SLC25A26: variants seen among roughly 807,000 people sequenced by gnomAD.
SLC25A26 encodes the protein mitochondrial S-adenosylmethionine carrier protein.
SLC25A26 carries 36 observed loss-of-function variants against 37.8 expected under a neutral mutation model. The ratio of observed to expected loss-of-function variants is 0.95; its 90% CI spans 0.73 to 1.26. SLC25A26 has a LOEUF of 1.26. Ranked by LOEUF, SLC25A26 falls within the 50% of genes most tolerant of loss-of-function variation. The pLI is 0.00. For missense variants in SLC25A26, 390 were observed against 331.1 expected, an observed-to-expected ratio of 1.18 and a Z score of -1.38; for synonymous variants, 129 against 122.5, an observed-to-expected ratio of 1.05 and a Z score of -0.35.
rs2071468534 is a variant in SLC25A26, at chr3:66,221,113, G to C, written c.19G>C (p.Val7Leu). 2 of 1,531,096 alleles carry C rather than the reference G, an allele frequency of 1.3e-6. No individual in the cohort carries two copies. Among genetic ancestry groups the C allele is most frequent in the Non-Finnish European group, 1.7e-6 (2 of 1,144,182 alleles). The allele number at this position is 1,531,096 out of a possible 1,614,324, so 94.8% of individuals were successfully genotyped here. The change falls in exon 1 of 10, where the codon GTG (valine) becomes CTG (leucine). Residue 7 changes from valine to leucine, a missense_variant. Transcript: ENST00000354883. The part of the protein sequence containing the change: MDRPGF[V>L]AALVAGGVAG... The stretch of plus-strand genomic sequence containing the variant: ...AGCGACCATGGACCGGCCGGGGTTC[G>C]TGGCAGCGCTGGTGGTGAGTGCGGG...
At chr3:66,301,348 C>T (rs541831247) in intron 5 of SLC25A26, among the ~76,000 whole-genome samples, 1 of 152,266 alleles carries the variant, frequency 6.6e-6, no homozygotes, top group Admixed American at 6.5e-5. Context: ...AATAATGCTG[C>T]CACAGTGTGT....
At chr3:66,342,179 C>T (rs537051483) in intron 5 of SLC25A26, among the ~76,000 whole-genome samples, 1 of 152,288 alleles carries the variant, frequency 6.6e-6, no homozygotes, top group East Asian at 1.9e-4. Flanking sequence ...CTTGGATCCA[C>T]TCTGCTATAC....
At chr3:66,352,442 GTT>G (rs58389048) in intron 6 of SLC25A26, among the ~76,000 whole-genome samples, 1 of 128,940 alleles carries the variant, frequency 7.8e-6, no homozygotes, top group Admixed American at 7.3e-5. Context: ...TTTGTTTTTT[GTT>G]TTTTTTTTTG....
chr3:66,255,315 T>A (rs2073255884), intron 3 of SLC25A26, among the ~76,000 whole-genome samples: 1 of 152,140 alleles, frequency 6.6e-6, no homozygotes, highest in Admixed American at 6.5e-5. Flanking sequence ...AAACATTCAG[T>A]CCTTAGCTGC....
chr3:66,143,802 G>T lies in SLC25A26; in HGVS notation c.-354+9818G>T, dbSNP rs540655023. On this transcript the variant is annotated intron_variant, in intron 1 of 10. Coordinates refer to the SLC25A26 transcript ENST00000676754. ...AGGCTGAGATAGGAGGGTTGCTTGA[G>T]CTTGGGAGGCAGAGGCTGCAGTGAG... 2.6e-5 allele frequency among the ~76,000 whole-genome samples: 4 copies of T among 152,242 alleles called. No individual in the cohort carries two copies. In the East Asian group the frequency reaches 7.8e-4, roughly 30 times the overall value.
chr3:66,192,052 C>G (rs1385333603), intron 1 of SLC25A26, among the ~76,000 whole-genome samples: 5 of 152,050 alleles, frequency 3.3e-5, no homozygotes, highest in Non-Finnish European at 7.4e-5. Flanking sequence ...TGCAATGGCT[C>G]ACGCCTGTAA....
chr3:66,360,560 G>A (rs1175305537), intron 6 of SLC25A26, among the ~76,000 whole-genome samples: 1 of 152,166 alleles, frequency 6.6e-6, no homozygotes, highest in African/African-American at 2.4e-5. Flanking sequence ...TACAAGATCA[G>A]TGTACAAAAA....
intron 1 of SLC25A26, among the ~76,000 whole-genome samples, chr3:66,186,728 T>C (rs1234093511): frequency 6.6e-6 from 1 of 151,740 alleles, no homozygotes; most frequent in Non-Finnish European, 1.5e-5. Flanking sequence ...CTGAGTCATA[T>C]CATGACTCTC....
chr3:66,185,394 T>C (rs1004781018), intron 1 of SLC25A26, among the ~76,000 whole-genome samples: 2 of 152,256 alleles, frequency 1.3e-5, no homozygotes, highest in African/African-American at 4.8e-5. Flanking sequence ...CTGTTGTGAA[T>C]AATGCTTCTA....
chr3:66,329,612 A>G (rs1434363874), intron 5 of SLC25A26, among the ~76,000 whole-genome samples: 1 of 152,200 alleles, frequency 6.6e-6, no homozygotes, highest in Non-Finnish European at 1.5e-5. Flanking sequence ...GGAATTGGAT[A>G]TTTATTACAT....
intron 5 of SLC25A26, among the ~76,000 whole-genome samples, chr3:66,311,220 A>C (rs1002487761): frequency 6.6e-6 from 1 of 151,794 alleles, no homozygotes; most frequent in Non-Finnish European, 1.5e-5. Context: ...TCTTGTCGTC[A>C]CACTTTATTT....
chr3:66,194,036 C>T (rs2070996267), intron 1 of SLC25A26, among the ~76,000 whole-genome samples: 2 of 152,200 alleles, frequency 1.3e-5, no homozygotes, highest in African/African-American at 4.8e-5. Flanking sequence ...AAGTTGACAA[C>T]AATATTAGAC....
At chr3:66,146,304 C>T (rs982993502) in intron 1 of SLC25A26, among the ~76,000 whole-genome samples, 2 of 150,370 alleles carry the variant, frequency 1.3e-5, no homozygotes, top group Non-Finnish European at 3.0e-5. Context: ...CACTCCACTG[C>T]ACTCCAGCCT....
chr3:66,349,216 G>C (rs1029228007), intron 6 of SLC25A26, among the ~76,000 whole-genome samples: 2 of 152,044 alleles, frequency 1.3e-5, no homozygotes, highest in African/African-American at 2.4e-5. Flanking sequence ...ATGTTAAGAT[G>C]CTGCCATTTT....
chr3:66,318,214 A>C (rs758321879), intron 5 of SLC25A26, among the ~76,000 whole-genome samples: 2 of 152,212 alleles, frequency 1.3e-5, no homozygotes, highest in Middle Eastern at 3.4e-3. Context: ...AAATACTCCT[A>C]TGTCTCAGTG....
chr3:66,229,373 A>G (rs1249599314), intron 1 of SLC25A26, among the ~76,000 whole-genome samples: 1 of 152,280 alleles, frequency 6.6e-6, no homozygotes, highest in Middle Eastern at 3.4e-3. Context: ...CCAAAATTTC[A>G]TCTTGAATTG....
At position 66,236,699 on chromosome 3, in the gene SLC25A26, T is replaced by C; in HGVS notation, c.189T>C (p.Asn63=). The change falls in exon 2 of 10, where the codon AAT becomes AAC. Residue 63 remains asparagine, a splice_region_variant and synonymous_variant. Transcript: ENST00000354883. ...VPSAAIGSFP[N]AAAFFITYEY... is the part of the protein sequence containing the mutation. Reference sequence around the variant, plus strand: ...CTGCTGCTATTGGATCCTTTCCTAATGGTAAAAAATTATATTCTCACTTCT... The same window carrying C: ...CTGCTGCTATTGGATCCTTTCCTAACGGTAAAAAATTATATTCTCACTTCT... 6.6e-7 allele frequency: 1 copy of C among 1,506,952 alleles called. No individual in the cohort carries two copies. Among genetic ancestry groups the C allele is most frequent in the Middle Eastern group, 1.7e-4 (1 of 5,884 alleles). 93.3% of individuals were successfully genotyped at this position (1,506,952 alleles called of 1,614,324 possible).
At chr3:66,254,623 G>A (rs1251583821) in intron 3 of SLC25A26, among the ~76,000 whole-genome samples, 1 of 152,250 alleles carries the variant, frequency 6.6e-6, no homozygotes, top group Non-Finnish European at 1.5e-5. Flanking sequence ...TTAGATGTGT[G>A]TAAGTATGAC....
chr3:66,159,269 C>T (rs2070324585), intron 1 of SLC25A26, among the ~76,000 whole-genome samples: 1 of 152,166 alleles, frequency 6.6e-6, no homozygotes. Flanking sequence ...TTTGTTCCTT[C>T]TAGGGAATGC....
Sources: gnomAD v4.1 joint callset for allele counts (sites outside exome capture counted in the v4.1 genomes callset) on GRCh38, gnomAD v4.1.1 for gene constraint, MANE v1.5 for transcripts, NCBI Gene and HGNC (gene_info 2026-07-23, HGNC 2026-07-21) for gene names.